Variants in TADA2A observed in about 807,000 individuals in gnomAD.
TADA2A encodes the protein transcriptional adaptor 2A, also known as transcriptional adapter 2-alpha.
TADA2A carries 38 observed loss-of-function variants against 67.4 expected under a neutral mutation model. The ratio of observed to expected loss-of-function variants is 0.56; its 90% CI spans 0.44 to 0.74. The LOEUF (loss-of-function observed/expected upper bound fraction) is 0.74, where lower values mean the gene tolerates loss of function less well. Ranked by LOEUF, TADA2A falls within the 30% of genes least tolerant of loss-of-function variation. The pLI, the probability that TADA2A is intolerant of heterozygous loss-of-function variation, is 0.00. For missense variants in TADA2A, 454 were observed against 547.0 expected (o/e 0.83, Z 1.70); for synonymous variants, 192 against 181.6 (o/e 1.06, Z -0.46).
chr17:37,435,575 A>T (rs1357599769), intron 4 of TADA2A, among the ~76,000 whole-genome samples: 1 of 151,914 alleles, frequency 6.6e-6, no homozygotes, highest in Non-Finnish European at 1.5e-5. Context: ...GGCATGAGCC[A>T]CTGTGCCCGG....
intron 1 of TADA2A, chr17:37,408,556 A>G (rs1227524908): frequency 6.6e-6 from 1 of 152,178 alleles, no homozygotes; most frequent in Non-Finnish European, 1.5e-5. Context: ...CAGCCTTGAC[A>G]TCTGTATTTG....
rs8066967 is a variant in TADA2A at position 37,445,894 on chromosome 17, A to G, written c.604+1126A>G. Among the ~76,000 whole-genome samples the G allele has an allele frequency of 6.7e-3, 1,027 of 152,262 alleles. 14 individuals are homozygous for G. Among genetic ancestry groups the G allele is most frequent in the African/African-American group, 0.023 (965 of 41,548 alleles). On this transcript the variant is annotated intron_variant, in intron 8 of 15. Transcript: ENST00000615182. ...CCCAGGCAGGAAAGACAAGTAGAGT[A>G]TACTTGTTAAATTATAAATCAAGTT...
At chr17:37,461,991 T>G in intron 9 of TADA2A, 87 bp from the exon 10 acceptor site, 1 of 1,057,212 alleles carries the variant, frequency 9.5e-7, no homozygotes, top group Non-Finnish European at 1.4e-6. Context: ...CTCAGCATGT[T>G]TATGTCTGAT....
intron 2 of TADA2A, among the ~76,000 whole-genome samples, chr17:37,416,277 C>G (rs1452798471): frequency 6.6e-6 from 1 of 151,848 alleles, no homozygotes; most frequent in Non-Finnish European, 1.5e-5. Context: ...TGCTGCCATG[C>G]CCAGCTAATT....
At chr17:37,476,678 T>TCA in intron 15 of TADA2A, 119 bp from the exon 16 acceptor site, 1 of 967,528 alleles carries the variant, frequency 1.0e-6, no homozygotes, top group Non-Finnish European at 1.5e-6. Flanking sequence ...CAGCCACCCA[T>TCA]CAGCTCCTAT....
At chr17:37,444,529 T>C (rs1041488927) in intron 7 of TADA2A, among the ~76,000 whole-genome samples, 167 bp from the exon 8 acceptor site, 1 of 152,192 alleles carries the variant, frequency 6.6e-6, no homozygotes, top group African/African-American at 2.4e-5. Context: ...ATTTTTCCCA[T>C]GACTTCCTAT....
chr17:37,446,074 T>C (rs1240230338), intron 8 of TADA2A, among the ~76,000 whole-genome samples: 2 of 149,708 alleles, frequency 1.3e-5, no homozygotes, highest in Non-Finnish European at 3.0e-5. Flanking sequence ...TCTACACATT[T>C]CTTGAGCGGT....
At position 37,467,452 on chromosome 17, in the gene TADA2A, A is replaced by C. The variant is rs771899030; in HGVS notation, c.824-2A>C. On this transcript the variant is annotated splice_acceptor_variant, in intron 11 of 15. Transcript: ENST00000615182. LOFTEE classifies it high-confidence loss of function. ...TTCCTTCATTCCTTTTGGGGAAAAC[A>C]GTGGAATTTGAACTCCGAAGGGAAA... 6.2e-7 allele frequency: 1 copy of C among 1,613,274 alleles called. No individual in the cohort carries two copies. The highest frequency in any genetic ancestry group is 1.1e-5 in the South Asian group (1 of 90,802).
chr17:37,424,792 G>A (rs1437459401), intron 3 of TADA2A, among the ~76,000 whole-genome samples: 1 of 152,144 alleles, frequency 6.6e-6, no homozygotes, highest in African/African-American at 2.4e-5. Context: ...CAGACCTCAG[G>A]TGATCTGCCT....
intron 2 of TADA2A, among the ~76,000 whole-genome samples, chr17:37,412,693 G>A (rs2051915144): frequency 6.6e-6 from 1 of 151,546 alleles, no homozygotes; most frequent in Admixed American, 6.6e-5. Flanking sequence ...TGAGGCAGGA[G>A]AATCGCTTGA....
intron 9 of TADA2A, among the ~76,000 whole-genome samples, chr17:37,459,341 G>T (rs2053488016): frequency 6.7e-6 from 1 of 150,336 alleles, no homozygotes; most frequent in Non-Finnish European, 1.5e-5. Context: ...GGAGTGCAGT[G>T]GCGTGATCTC....
At chr17:37,475,959 T>G (rs2053884823) in intron 15 of TADA2A, among the ~76,000 whole-genome samples, 1 of 152,226 alleles carries the variant, frequency 6.6e-6, no homozygotes, top group Non-Finnish European at 1.5e-5. Context: ...TATGCTCCTT[T>G]TATAATTCCC....
At chr17:37,467,764 G>T (rs1176385268) in intron 12 of TADA2A, among the ~76,000 whole-genome samples, 1 of 152,064 alleles carries the variant, frequency 6.6e-6, no homozygotes, top group African/African-American at 2.4e-5. Context: ...TTAGATTTAG[G>T]ATTCTGCCGA....
intron 8 of TADA2A, among the ~76,000 whole-genome samples, chr17:37,446,909 G>C (rs1463074142): frequency 6.6e-6 from 1 of 152,032 alleles, no homozygotes; most frequent in Non-Finnish European, 1.5e-5. Flanking sequence ...TAATTAAGTG[G>C]GGATAAAAAG....
At chr17:37,474,712 A>C (rs2053858408) in intron 15 of TADA2A, 83 bp downstream of exon 15, 3 of 1,431,066 alleles carry the variant, frequency 2.1e-6, no homozygotes, top group East Asian at 4.9e-5. Flanking sequence ...TTACAGGGTC[A>C]AACCCCTTTT....
At chr17:37,426,726 T>A (rs2052421423) in intron 3 of TADA2A, 1 of 338,406 alleles carries the variant, frequency 3.0e-6, no homozygotes, top group Non-Finnish European at 5.3e-6. Flanking sequence ...ACACCTGTAA[T>A]CTTAGCACTT....
At chr17:37,410,869 A>G (rs1165239234) in intron 1 of TADA2A, among the ~76,000 whole-genome samples, 1 of 152,222 alleles carries the variant, frequency 6.6e-6, no homozygotes, top group Non-Finnish European at 1.5e-5. Context: ...AGTTTCCCAA[A>G]TAAAGATGGC....
chr17:37,432,703 G>A (rs983195263), intron 4 of TADA2A, among the ~76,000 whole-genome samples: 3 of 151,992 alleles, frequency 2.0e-5, no homozygotes, highest in Admixed American at 6.6e-5. Flanking sequence ...ACTGTTTTTT[G>A]GATAAATACC....
intron 4 of TADA2A, among the ~76,000 whole-genome samples, chr17:37,427,584 A>G (rs997147138): frequency 1.3e-5 from 2 of 152,164 alleles, no homozygotes; most frequent in Non-Finnish European, 1.5e-5. Context: ...AAGGAATAAG[A>G]GTGTTCGTAG....
Sources: gnomAD v4.1 joint callset for allele counts (sites outside exome capture counted in the v4.1 genomes callset) on GRCh38, gnomAD v4.1.1 for gene constraint, MANE v1.5 for transcripts, NCBI Gene and HGNC (gene_info 2026-07-23, HGNC 2026-07-21) for gene names.